The following CACNA2D2 variants were observed in gnomAD, a reference collection of about 807,000 sequenced individuals.
CACNA2D2 encodes the protein voltage-dependent calcium channel subunit alpha-2/delta-2.
Under a neutral mutation model 166.4 loss-of-function variants are expected in CACNA2D2, and 48 were observed. The observed-to-expected ratio is 0.29, with a 90% CI of 0.23 to 0.37. The LOEUF (loss-of-function observed/expected upper bound fraction) is 0.37, where lower values mean the gene tolerates loss of function less well. Among genes scored for constraint, CACNA2D2 ranks in the 10% least tolerant of loss-of-function variants. The probability of loss-of-function intolerance (pLI) is 1.00; values close to 1 mark genes in which losing one functional copy is unlikely to be tolerated. For synonymous variants in CACNA2D2, 561 were observed against 573.7 expected (o/e 0.98, Z 0.32); for missense variants, 1,122 against 1,433.0 (o/e 0.78, Z 3.50).
At chr3:50,449,644 A>C (rs1333021781) in intron 2 of CACNA2D2, among the ~76,000 whole-genome samples, 1 of 152,204 alleles carries the variant, frequency 6.6e-6, no homozygotes, top group Non-Finnish European at 1.5e-5. Flanking sequence ...CCAGGGATGA[A>C]AATAGTGTCA....
intron 3 of CACNA2D2, among the ~76,000 whole-genome samples, chr3:50,422,362 T>C (rs183926786): frequency 6.6e-6 from 1 of 152,128 alleles, no homozygotes; most frequent in Non-Finnish European, 1.5e-5. Flanking sequence ...CCACAGGCTG[T>C]TCCCTTTGTC....
At chr3:50,478,854 T>C (rs912915524) in intron 1 of CACNA2D2, among the ~76,000 whole-genome samples, 1 of 152,188 alleles carries the variant, frequency 6.6e-6, no homozygotes, top group African/African-American at 2.4e-5. Flanking sequence ...AATTGGCAAA[T>C]GCTAGAAACC....
chr3:50,378,655 A>G (rs897559344), intron 13 of CACNA2D2, among the ~76,000 whole-genome samples: 1 of 152,344 alleles, frequency 6.6e-6, no homozygotes, highest in East Asian at 1.9e-4. Context: ...AGAGAGATGG[A>G]CGGATCAGCA....
At chr3:50,384,472 G>C in intron 5 of CACNA2D2, 135 bp from the exon 6 acceptor site, 1 of 1,043,148 alleles carries the variant, frequency 9.6e-7, no homozygotes, top group Non-Finnish European at 1.4e-6. Context: ...TATTGCAGTA[G>C]GAGACACAGA....
intron 3 of CACNA2D2, among the ~76,000 whole-genome samples, chr3:50,395,814 A>T (rs1445658388): frequency 1.3e-5 from 2 of 152,134 alleles, no homozygotes; most frequent in African/African-American, 4.8e-5. Context: ...CTCCAGCCCC[A>T]TTGGGCTGGC....
rs111971115 is a variant in CACNA2D2 at position 50,486,712 on chromosome 3, T to G, written c.207-10513A>C. On this transcript the variant is annotated intron_variant, in intron 1 of 37. Coordinates refer to ENST00000424201, the MANE Select transcript of CACNA2D2 (RefSeq NM_006030.4). ...TACCCTCTTCTCAAAGCCACAGTTC[T>G]CACCACACTTTACCAAGCCTCATCT... Among the ~76,000 whole-genome samples, 6 of 152,320 alleles carry G rather than the reference T, an allele frequency of 3.9e-5. 2 individuals are homozygous for G. The highest frequency in any genetic ancestry group is 1.4e-4 in the African/African-American group (6 of 41,568).
intron 2 of CACNA2D2, among the ~76,000 whole-genome samples, chr3:50,460,094 T>C (rs1709525801): frequency 6.6e-6 from 1 of 152,014 alleles, no homozygotes; most frequent in Admixed American, 6.6e-5. Flanking sequence ...AAATACTAAA[T>C]AAATAAATAA....
Position 50,503,497 on chromosome 3 carries a change from G to C in CACNA2D2, c.-74C>G, listed in dbSNP as rs1015015004. On this transcript the variant is annotated 5_prime_UTR_variant, in exon 1 of 38. Transcript: ENST00000424201. The stretch of plus-strand genomic sequence containing the variant: ...GCGGCGGCGGCGGCGGGGTTGGGGG[G>C]GCGCGGGCGGCGGGCGGTAACTCGG... 5.7e-6 allele frequency: 1 copy of C among 175,410 alleles called. No individual in the cohort carries two copies. The highest frequency in any genetic ancestry group is 2.4e-5 in the African/African-American group (1 of 41,460). 10.9% of individuals were successfully genotyped at this position (175,410 alleles called of 1,614,324 possible). A position where few individuals can be genotyped will look rare whatever the true frequency, so the allele number is the denominator to read the frequency against.
chr3:50,500,384 G>T lies in CACNA2D2; in HGVS notation c.206+2834C>A, dbSNP rs1381759874. Among the ~76,000 whole-genome samples, 4 of 152,296 alleles carry T rather than the reference G, an allele frequency of 2.6e-5. No individual in the cohort carries two copies. The South Asian group carries it at 8.3e-4, about 32-fold the overall frequency. ...CTCAGCCAGGACTCCACAGAGGAGG[G>T]GACAGAGAAACCTGGGGGCACTGGA... On this transcript the variant is annotated intron_variant, in intron 1 of 37. Coordinates refer to ENST00000424201, the MANE Select transcript of CACNA2D2 (RefSeq NM_006030.4).
rs778554164 is a variant in CACNA2D2 at position 50,377,798 on chromosome 3, C to T, written c.1485G>A (p.Leu495=). ...GGAGGGTCCCTGTTACCACCAACCC[C>T]AGTCCCTGAAGGGAGAGGAAGATGA... ...WTNVYEDALG[L]GLVVTGTLPV... Residue 495 remains leucine (L), a synonymous_variant, in exon 16 of 38, where the codon CTG becomes CTA. Coordinates refer to ENST00000424201, the MANE Select transcript of CACNA2D2 (RefSeq NM_006030.4). The T allele has an allele frequency of 5.6e-6, 9 of 1,613,066 alleles. No homozygotes were observed. Among genetic ancestry groups the T allele is most frequent in the Non-Finnish European group, 6.8e-6 (8 of 1,179,632 alleles).
At chr3:50,434,656 G>A (rs1379978947) in intron 2 of CACNA2D2, among the ~76,000 whole-genome samples, 2 of 152,242 alleles carry the variant, frequency 1.3e-5, no homozygotes, top group African/African-American at 2.4e-5. Context: ...GCCCAGTTTA[G>A]GCTGGTCATT....
rs187006739 is a variant in CACNA2D2, at chr3:50,427,796, C to T, written c.405+6517G>A. Among the ~76,000 whole-genome samples, 92 of 152,306 alleles carry T rather than the reference C, an allele frequency of 6.0e-4. No homozygotes were observed. The highest frequency in any genetic ancestry group is 2.1e-3 in the African/African-American group (89 of 41,556). ...CAAATGTTCACCAGTTTGCAGAACTCGTGTTCTGTTCCAGGCCAGGCCTTG... is the reference window on the plus strand; with the variant it reads ...CAAATGTTCACCAGTTTGCAGAACTTGTGTTCTGTTCCAGGCCAGGCCTTG... On this transcript the variant is annotated intron_variant, in intron 3 of 37. Coordinates refer to ENST00000424201, the MANE Select transcript of CACNA2D2 (RefSeq NM_006030.4). This position sits in a 1 kb window ranked among gnomAD's most constrained non-coding sequence, Gnocchi z 4.7.
intron 2 of CACNA2D2, among the ~76,000 whole-genome samples, chr3:50,439,007 G>A (rs945689488): frequency 6.6e-6 from 1 of 152,212 alleles, no homozygotes; most frequent in Non-Finnish European, 1.5e-5. Context: ...TCTCCATGTG[G>A]CAGAGAGGAC....
intron 2 of CACNA2D2, among the ~76,000 whole-genome samples, chr3:50,463,930 C>T (rs1364342322): frequency 6.6e-6 from 1 of 152,214 alleles, no homozygotes; most frequent in Non-Finnish European, 1.5e-5. Flanking sequence ...GGATGAAGCC[C>T]AGCGCACCTG....
At chr3:50,372,763 A>T (rs1283189085) in intron 22 of CACNA2D2, among the ~76,000 whole-genome samples, 1 of 152,046 alleles carries the variant, frequency 6.6e-6, no homozygotes, top group African/African-American at 2.4e-5. Context: ...TCTTAGAGGG[A>T]CAGAGAAGGT....
intron 1 of CACNA2D2, among the ~76,000 whole-genome samples, chr3:50,495,102 A>T (rs1698670278): frequency 6.6e-6 from 1 of 152,256 alleles, no homozygotes; most frequent in Non-Finnish European, 1.5e-5. Context: ...GAGTATGTGC[A>T]GCCACAGATA....
chr3:50,463,117 C>T (rs958878384), intron 2 of CACNA2D2, among the ~76,000 whole-genome samples: 4 of 152,134 alleles, frequency 2.6e-5, no homozygotes, highest in Non-Finnish European at 5.9e-5. Flanking sequence ...GTACACAGAC[C>T]AGGCTCCTTA....
At chr3:50,489,872 A>G (rs1560001097) in intron 1 of CACNA2D2, among the ~76,000 whole-genome samples, 1 of 151,982 alleles carries the variant, frequency 6.6e-6, no homozygotes, top group Non-Finnish European at 1.5e-5. Context: ...TGGAGCACCA[A>G]CCATGCATGG....
At chr3:50,449,278 C>A (rs776454642) in intron 2 of CACNA2D2, among the ~76,000 whole-genome samples, 40 of 152,226 alleles carry the variant, frequency 2.6e-4, no homozygotes, top group Non-Finnish European at 5.1e-4. Context: ...TCACCATGAG[C>A]CCTGATGATG....
Sources: allele counts gnomAD v4.1 joint callset (sites outside exome capture counted in the v4.1 genomes callset), GRCh38; gene constraint gnomAD v4.1.1; non-coding constraint Gnocchi (gnomAD v3.1); transcripts MANE v1.5; gene names NCBI Gene and HGNC (gene_info 2026-07-23, HGNC 2026-07-21).